Variants in WNK2 observed in about 807,000 individuals in gnomAD.
WNK2 encodes the protein serine/threonine-protein kinase WNK2.
In WNK2, 67 loss-of-function variants were observed where a neutral mutation model predicts 192.1. The ratio of observed to expected loss-of-function variants is 0.35; its 90% CI spans 0.29 to 0.43. The LOEUF (loss-of-function observed/expected upper bound fraction) is 0.43, where lower values mean the gene tolerates loss of function less well. Ranked by LOEUF, WNK2 falls within the 20% of genes least tolerant of loss-of-function variation. The pLI, the probability that WNK2 is intolerant of heterozygous loss-of-function variation, is 1.00. For missense variants in WNK2, 2,698 were observed against 3,089.7 expected (o/e 0.87, Z 3.01); for synonymous variants, 1,439 against 1,393.9 (o/e 1.03, Z -0.72).
intron 2 of WNK2, among the ~76,000 whole-genome samples, chr9:93,208,783 CTG>C (rs1447825394): frequency 1.1e-5 from 1 of 92,188 alleles, no homozygotes; most frequent in Non-Finnish European, 2.2e-5. Context: ...TGTTCTGCGG[CTG>C]TGTGTGCTCT....
chr9:93,249,976 C>T (rs1429636381), intron 8 of WNK2, among the ~76,000 whole-genome samples: 4 of 127,994 alleles, frequency 3.1e-5, no homozygotes, highest in Non-Finnish European at 3.1e-5. Flanking sequence ...TGCACTGGTG[C>T]GATGTTGGCT....
intron 23 of WNK2, among the ~76,000 whole-genome samples, chr9:93,295,709 GTCACCATCCTCCCC>G (rs1400931798): frequency 3.6e-4 from 53 of 146,644 alleles, no homozygotes; most frequent in African/African-American, 1.3e-3. Context: ...CCATCCTCCC[GTCACCATCCTCCCC>G]TCACCTTCCT....
At chr9:93,306,950 T>C in intron 27 of WNK2, 129 bp downstream of exon 27, 1 of 1,172,700 alleles carries the variant, frequency 8.5e-7, no homozygotes, top group South Asian at 1.3e-5. Context: ...GCCTGCTCCA[T>C]GCCTCTCGGC....
chr9:93,237,449 G>A (rs115467480), intron 5 of WNK2, among the ~76,000 whole-genome samples: 3,962 of 152,198 alleles, frequency 0.026, 169 homozygotes, highest in African/African-American at 0.09. Context: ...AGTCTGCTGC[G>A]GTGAAGTGTT....
intron 2 of WNK2, among the ~76,000 whole-genome samples, chr9:93,224,888 G>T (rs1319315003): frequency 1.3e-5 from 2 of 152,176 alleles, no homozygotes; most frequent in African/African-American, 4.8e-5. Context: ...TAGGGATCAG[G>T]TGCATTCTTC....
intron 19 of WNK2, among the ~76,000 whole-genome samples, chr9:93,276,258 G>A (rs796853972): frequency 4.6e-5 from 7 of 152,260 alleles, no homozygotes; most frequent in African/African-American, 1.4e-4. Flanking sequence ...TACACACATC[G>A]GTGGAACAGA....
At position 93,320,564 on chromosome 9, in the gene WNK2, C is replaced by T; in HGVS notation, c.*172C>T. On this transcript the variant is annotated 3_prime_UTR_variant, in exon 30 of 30. Transcript: ENST00000427277. The stretch of plus-strand genomic sequence containing the variant: ...TGCAAGAATAAAAAATATTTTGGGG[C>T]AGAAAGGACTTTGGTTTTTCAAACT... 1 of 741,936 alleles carries T rather than the reference C, an allele frequency of 1.3e-6. No homozygotes were observed. The highest frequency in any genetic ancestry group is 1.9e-6 in the Non-Finnish European group (1 of 517,840). 46.0% of individuals were successfully genotyped at this position (741,936 alleles called of 1,614,324 possible).
At chr9:93,231,665 G>T (rs1230032023) in intron 4 of WNK2, among the ~76,000 whole-genome samples, 1 of 152,250 alleles carries the variant, frequency 6.6e-6, no homozygotes, top group Non-Finnish European at 1.5e-5. Flanking sequence ...CACAGAGCAG[G>T]CGTTGTGCAC....
At chr9:93,255,717 A>C (rs1843184481) in intron 9 of WNK2, among the ~76,000 whole-genome samples, 1 of 152,240 alleles carries the variant, frequency 6.6e-6, no homozygotes, top group Non-Finnish European at 1.5e-5. Flanking sequence ...TAAATGATTC[A>C]GCCTCTGGCT....
rs1484004749 is a variant in WNK2, at chr9:93,298,093, A to G, written c.5923+26A>G. The G allele has an allele frequency of 5.8e-6, 9 of 1,546,510 alleles. No homozygotes were observed. The South Asian group carries it at 1.1e-4, about 18-fold the overall frequency. On this transcript the variant is annotated intron_variant, in intron 24 of 29. Coordinates refer to ENST00000427277, the MANE Select transcript of WNK2 (RefSeq NM_006648.4). ...GTCGGCCTCCGGGTGCAGGGCTGGG[A>G]TGGGAGCGGGGCTGGGGACCCCCGA...
intron 2 of WNK2, among the ~76,000 whole-genome samples, chr9:93,215,231 C>T (rs1197909117): frequency 6.6e-6 from 1 of 152,130 alleles, no homozygotes; most frequent in Non-Finnish European, 1.5e-5. Flanking sequence ...AAGCAATTCT[C>T]CCTGACTGTA....
intron 2 of WNK2, among the ~76,000 whole-genome samples, chr9:93,200,895 G>A (rs913854553): frequency 4.6e-5 from 7 of 152,148 alleles, no homozygotes; most frequent in East Asian, 3.8e-4. Context: ...CTTTAAAACC[G>A]CTAGAAACAA....
intron 2 of WNK2, among the ~76,000 whole-genome samples, chr9:93,191,089 G>A (rs573587048): frequency 1.3e-3 from 196 of 152,218 alleles, no homozygotes; most frequent in African/African-American, 4.5e-3. Context: ...GCAGTGCCAC[G>A]ACTGTGTCAG....
At chr9:93,238,343 G>T in intron 6 of WNK2, 22 bp downstream of exon 6, 1 of 1,597,720 alleles carries the variant, frequency 6.3e-7, no homozygotes, top group Non-Finnish European at 8.6e-7. Context: ...TGAAGGGCTG[G>T]GTTCTGGGGT....
intron 26 of WNK2, chr9:93,300,371 T>G: frequency 7.3e-6 from 3 of 410,050 alleles, no homozygotes; most frequent in East Asian, 4.1e-5. Context: ...TGCATGCTCA[T>G]GGCTGGTGCC....
intron 2 of WNK2, among the ~76,000 whole-genome samples, chr9:93,223,821 G>T (rs1354052033): frequency 6.6e-6 from 1 of 152,244 alleles, no homozygotes; most frequent in African/African-American, 2.4e-5. Context: ...TCCTAGAGCA[G>T]TGGGGACACC....
chr9:93,297,071 C>A (rs1005961522), intron 23 of WNK2, among the ~76,000 whole-genome samples: 3 of 144,056 alleles, frequency 2.1e-5, no homozygotes, highest in African/African-American at 8.0e-5. Flanking sequence ...TTCCCCTCCA[C>A]ATCCTCTTCT....
At chr9:93,233,611 T>C (rs1839277660) in intron 4 of WNK2, among the ~76,000 whole-genome samples, 1 of 151,268 alleles carries the variant, frequency 6.6e-6, no homozygotes, top group Non-Finnish European at 1.5e-5. Flanking sequence ...AGCAGGAGAA[T>C]TGCTTGAACC....
intron 7 of WNK2, among the ~76,000 whole-genome samples, chr9:93,245,173 A>G (rs1356680070): frequency 2.0e-5 from 3 of 152,248 alleles, no homozygotes; most frequent in Non-Finnish European, 4.4e-5. Flanking sequence ...AGGACACTAC[A>G]AAGAACCATT....
Sources: gnomAD v4.1 joint callset for allele counts (sites outside exome capture counted in the v4.1 genomes callset) on GRCh38, gnomAD v4.1.1 for gene constraint, MANE v1.5 for transcripts, NCBI Gene and HGNC (gene_info 2026-07-23, HGNC 2026-07-21) for gene names.